Variants in DLL4 observed in about 807,000 individuals in gnomAD.
DLL4 encodes the protein delta-like protein 4.
In DLL4, 7 loss-of-function variants were observed where a neutral mutation model predicts 73.6. The observed-to-expected ratio is 0.10, with a 90% CI of 0.05 to 0.18. The LOEUF is 0.18. DLL4 is among the 10% of genes least tolerant of loss of function. DLL4 has a pLI of 1.00. For synonymous variants in DLL4, 345 were observed against 374.3 expected (o/e 0.92, Z 0.90); for missense variants, 614 against 929.9 (o/e 0.66, Z 4.42).
At chr15:40,935,717 C>T (rs1046296370) in intron 8 of DLL4, among the ~76,000 whole-genome samples, 1 of 152,196 alleles carries the variant, frequency 6.6e-6, no homozygotes, top group Admixed American at 6.5e-5. Context: ...ATTTCTTCAT[C>T]ACTGAATGGG....
intron 8 of DLL4, 82 bp from the exon 9 acceptor site, chr15:40,936,146 G>T: frequency 7.8e-7 from 1 of 1,277,606 alleles, no homozygotes; most frequent in Non-Finnish European, 1.1e-6. Context: ...GGGCCCGAAC[G>T]TGTTCCTGGA....
chr15:40,937,675 A>G, intron 10 of DLL4, 149 bp downstream of exon 10: 1 of 700,276 alleles, frequency 1.4e-6, no homozygotes. Context: ...TGCTGGCCTC[A>G]TTGCCACTAA....
intron 8 of DLL4, 86 bp downstream of exon 8, chr15:40,935,203 G>A: frequency 2.3e-6 from 3 of 1,306,078 alleles, no homozygotes; most frequent in Non-Finnish European, 3.2e-6. Context: ...AGAGGAGCGA[G>A]GCATTGTCTG....
Position 40,930,543 on chromosome 15 carries a change from TAA to T in DLL4, c.337-80_337-79del. 8.7e-7 allele frequency: 1 copy of T among 1,147,512 alleles called. No homozygotes were observed. The highest frequency in any genetic ancestry group is 2.5e-5 in the East Asian group (1 of 40,710). 71.1% of individuals were successfully genotyped at this position (1,147,512 alleles called of 1,614,324 possible). ...AACTGAATCCTGCAATTAGATTAAT[TAA>T]ACAGGCTGCCGCAAGGCACCCCCAC... On this transcript the variant is annotated intron_variant, in intron 2 of 10. Transcript: ENST00000249749. This position sits in a 1 kb window ranked among gnomAD's most constrained non-coding sequence, Gnocchi z 5.7.
rs373938683 is a variant in DLL4 at position 40,937,796 on chromosome 15, G to C, written c.2053-233G>C. Among the ~76,000 whole-genome samples, 17 of 152,246 alleles carry C rather than the reference G, an allele frequency of 1.1e-4. No individual in the cohort carries two copies. In the South Asian group the frequency reaches 3.5e-3, roughly 32 times the overall value. ...TGGCCAGCCTCTGATGGGTGAGGGG[G>C]CCCCTCACCCCTTGTGCCCTTCCTG... On this transcript the variant is annotated intron_variant, in intron 10 of 10. Coordinates refer to ENST00000249749, the MANE Select transcript of DLL4 (RefSeq NM_019074.4).
At position 40,938,140 on chromosome 15, in the gene DLL4, G is replaced by A. The variant is rs1000093522; in HGVS notation, c.*106G>A. The stretch of plus-strand genomic sequence containing the variant: ...GGACGTTTTTCATATGCAACGTGCT[G>A]CTCTCAGGAGGAGGAGGGAATGGCA... On this transcript the variant is annotated 3_prime_UTR_variant, in exon 11 of 11. Transcript: ENST00000249749. 101 of 1,271,098 alleles carry A rather than the reference G, an allele frequency of 7.9e-5. No homozygotes were observed. Among genetic ancestry groups the A allele is most frequent in the Admixed American group, 3.9e-4 (12 of 31,092 alleles). The allele number at this position is 1,271,098 out of a possible 1,614,324, so 78.7% of individuals were successfully genotyped here.
chr15:40,936,213 C>T lies in DLL4; in HGVS notation c.1241-15C>T. 1.3e-6 allele frequency: 2 copies of T among 1,555,094 alleles called. No individual in the cohort carries two copies. Among genetic ancestry groups the T allele is most frequent in the Non-Finnish European group, 1.7e-6 (2 of 1,153,456 alleles). On this transcript the variant is annotated splice_polypyrimidine_tract_variant and intron_variant, in intron 8 of 10. Transcript: ENST00000249749. Reference sequence around the variant, plus strand: ...CCCAGGCTATCACTGACTTGTGTCTCATGCGTCCTCACAGGGGGACAGTGC... The same window carrying T: ...CCCAGGCTATCACTGACTTGTGTCTTATGCGTCCTCACAGGGGGACAGTGC...
chr15:40,932,240 G>C lies in DLL4; in HGVS notation c.719+9G>C, dbSNP rs1421234834. 6 of 1,613,924 alleles carry C rather than the reference G, an allele frequency of 3.7e-6. No homozygotes were observed. In the Admixed American group the frequency reaches 8.3e-5, roughly 22 times the overall value. On this transcript the variant is annotated intron_variant, in intron 5 of 10. Transcript: ENST00000249749. Reference sequence around the variant, plus strand: ...AAGCCAGCAGAGTGCCTGTGAGTAGGGGACAGGAAGTGGTGAGTGGGAGCC... The same window carrying C: ...AAGCCAGCAGAGTGCCTGTGAGTAGCGGACAGGAAGTGGTGAGTGGGAGCC...
At position 40,938,253 on chromosome 15, in the gene DLL4, C is replaced by T. The variant is rs974475174; in HGVS notation, c.*219C>T. The T allele has an allele frequency of 3.1e-5, 14 of 457,214 alleles. No individual in the cohort carries two copies. The East Asian group carries it at 4.0e-4, about 13-fold the overall frequency. The allele number at this position is 457,214 out of a possible 1,614,324, so 28.3% of individuals were successfully genotyped here. Reference sequence around the variant, plus strand: ...GTCTGGCATCAGATTGGCAGCTGCACCAACCAGAGGAACAGAAGAGAAGAG... The same window carrying T: ...GTCTGGCATCAGATTGGCAGCTGCATCAACCAGAGGAACAGAAGAGAAGAG... On this transcript the variant is annotated 3_prime_UTR_variant, in exon 11 of 11. Transcript: ENST00000249749.
At chr15:40,932,916 G>A (rs1892789127) in intron 6 of DLL4, among the ~76,000 whole-genome samples, 2 of 152,200 alleles carry the variant, frequency 1.3e-5, no homozygotes, top group Non-Finnish European at 2.9e-5. Flanking sequence ...TGGGCGGAGT[G>A]GCATCTAACC....
In DLL4 at chr15:40,938,334, G is replaced by C. The variant is rs1055013185; in HGVS notation, c.*300G>C. The C allele has an allele frequency of 3.2e-6, 1 of 307,850 alleles. No homozygotes were observed. Among genetic ancestry groups the C allele is most frequent in the Admixed American group, 4.9e-5 (1 of 20,264 alleles). The allele number at this position is 307,850 out of a possible 1,614,324, so 19.1% of individuals were successfully genotyped here. A position where few individuals can be genotyped will look rare whatever the true frequency, so the allele number is the denominator to read the frequency against. On this transcript the variant is annotated 3_prime_UTR_variant, in exon 11 of 11. Coordinates refer to ENST00000249749, the MANE Select transcript of DLL4 (RefSeq NM_019074.4). ...TGGCCTTCAGGGGGCTCCTTCCGGG[G>C]CTCCGGCCTGTTTTCCAGAGAGAGT...
In DLL4 at chr15:40,931,580, G is replaced by A. The variant is rs145914797; in HGVS notation, c.472G>A (p.Asp158Asn). 40 of 1,612,382 alleles carry A rather than the reference G, an allele frequency of 2.5e-5. No individual in the cohort carries two copies. In the African/African-American group the frequency reaches 5.1e-4, roughly 20 times the overall value. ...SLAVGQNWLL[D>N]EQTSTLTRLR... ...AGCTGTGGGTCAGAACTGGTTATTG[G>A]ATGAGCAAACCAGCACCCTCACAAG... is the stretch of plus-strand genomic sequence containing the variant. Residue 158 changes from aspartate (D) to asparagine (N), a missense_variant, in exon 4 of 11, where the codon GAT (aspartate) becomes AAT (asparagine). Physicochemically the swap from Asp to Asn is conservative, Grantham distance 23 (BLOSUM62 1). Transcript: ENST00000249749.
Position 40,935,181 on chromosome 15 carries a change from G to C in DLL4, c.1240+64G>C. 8 of 1,484,900 alleles carry C rather than the reference G, an allele frequency of 5.4e-6. No individual in the cohort carries two copies. In the South Asian group the frequency reaches 9.8e-5, roughly 18 times the overall value. 92.0% of individuals were successfully genotyped at this position (1,484,900 alleles called of 1,614,324 possible). ...TGGGGCTGAGAGAGACTTCTGGTGA[G>C]GGAGGGTCAGGAGAGGAGCGAGGCA... On this transcript the variant is annotated intron_variant, in intron 8 of 10. Transcript: ENST00000249749.
chr15:40,934,859 C>T, intron 7 of DLL4, 39 bp from the exon 8 acceptor site: 1 of 1,602,290 alleles, frequency 6.2e-7, no homozygotes, highest in East Asian at 2.2e-5. Context: ...TCCCTGCCCC[C>T]CAGGGTCTGA....
rs1011873809 is a variant in DLL4 at position 40,930,901 on chromosome 15, G to T, written c.394+219G>T. The T allele has an allele frequency of 1.0e-5, 6 of 596,624 alleles. No homozygotes were observed. The Admixed American group carries it at 1.8e-4, about 18-fold the overall frequency. 37.0% of individuals were successfully genotyped at this position (596,624 alleles called of 1,614,324 possible). On this transcript the variant is annotated intron_variant, in intron 3 of 10. Coordinates refer to ENST00000249749, the MANE Select transcript of DLL4 (RefSeq NM_019074.4). This position sits in a 1 kb window ranked among gnomAD's most constrained non-coding sequence, Gnocchi z 5.7. ...GGTTATTTTTGGCGTGGGAACGCGGGGAGTACGGCGGTGAGAAAGGCTGAA... is the reference window on the plus strand; with the variant it reads ...GGTTATTTTTGGCGTGGGAACGCGGTGAGTACGGCGGTGAGAAAGGCTGAA...
chr15:40,933,168 G>A (rs990964991), intron 6 of DLL4, among the ~76,000 whole-genome samples: 14 of 152,202 alleles, frequency 9.2e-5, no homozygotes, highest in East Asian at 1.9e-4. Context: ...AGACACCGGC[G>A]CAGGCCTGGG....
In DLL4 at chr15:40,934,970, A is replaced by G. The variant is rs2140370853; in HGVS notation, c.1093A>G (p.Ser365Gly). The G allele has an allele frequency of 6.2e-7, 1 of 1,613,626 alleles. No homozygotes were observed. Among genetic ancestry groups the G allele is most frequent in the Non-Finnish European group, 8.5e-7 (1 of 1,179,884 alleles). The change falls in exon 8 of 11, where the codon AGC becomes GGC. Residue 365 changes from serine (S) to glycine (G), a missense_variant. Ser to Gly is a moderately conservative substitution (Grantham distance 56, BLOSUM62 0). Around this residue, in one of 3 missense-constraint regions of DLL4, gnomAD observed 386 missense variants for 541.3 expected, o/e 0.71. Coordinates refer to ENST00000249749, the MANE Select transcript of DLL4 (RefSeq NM_019074.4). The stretch of plus-strand genomic sequence containing the variant: ...CCTGCATTGTGAACACAGCACCTTG[A>G]GCTGCGCCGACTCCCCCTGCTTCAA... ...YGLHCEHSTL[S>G]CADSPCFNGG...
intron 9 of DLL4, 120 bp from the exon 10 acceptor site, chr15:40,937,298 T>G: frequency 1.3e-6 from 1 of 769,354 alleles, no homozygotes; most frequent in Non-Finnish European, 2.3e-6. Context: ...ACTGGGCACG[T>G]CCAGCCCCTG....
At chr15:40,935,816 T>C (rs1892835179) in intron 8 of DLL4, among the ~76,000 whole-genome samples, 1 of 152,232 alleles carries the variant, frequency 6.6e-6, no homozygotes, top group Admixed American at 6.5e-5. Flanking sequence ...ATTAACTATA[T>C]ACCAAACATG....
Sources: allele counts gnomAD v4.1 joint callset (sites outside exome capture counted in the v4.1 genomes callset), GRCh38; gene constraint gnomAD v4.1.1; regional missense constraint gnomAD v4.1.1; non-coding constraint Gnocchi (gnomAD v3.1); transcripts MANE v1.5; gene names NCBI Gene and HGNC (gene_info 2026-07-23, HGNC 2026-07-21).